Variants in UNC93A observed in about 807,000 individuals in gnomAD.
The protein encoded by UNC93A is unc-93 homolog A.
UNC93A carries 43 observed loss-of-function variants against 47.5 expected under a neutral mutation model. That is an observed-to-expected ratio of 0.91 (90% CI 0.71 to 1.17). The LOEUF (loss-of-function observed/expected upper bound fraction) is 1.17. UNC93A is among the 50% of genes most tolerant of loss of function. The probability of loss-of-function intolerance (pLI) is 0.00; values close to 1 mark genes in which losing one functional copy is unlikely to be tolerated. For synonymous variants in UNC93A, 280 were observed against 258.0 expected (o/e 1.09, Z -0.82); for missense variants, 605 against 577.6 (o/e 1.05, Z -0.49).
At chr6:167,283,905 G>T (rs1285819920) in intron 1 of UNC93A, among the ~76,000 whole-genome samples, 1 of 152,184 alleles carries the variant, frequency 6.6e-6, no homozygotes, top group African/African-American at 2.4e-5. Context: ...AGTCTTCGTG[G>T]TATGAGGGCA....
At chr6:167,304,574 T>G (rs1778330565) in intron 5 of UNC93A, among the ~76,000 whole-genome samples, 1 of 151,756 alleles carries the variant, frequency 6.6e-6, no homozygotes, top group East Asian at 1.9e-4. Flanking sequence ...TTTTCTTTCT[T>G]TTTTTCTTTT....
At position 167,299,250 on chromosome 6, in the gene UNC93A, AT is replaced by A. The variant is rs201599456; in HGVS notation, c.625+1181del. 7.0e-4 allele frequency among the ~76,000 whole-genome samples: 106 copies of A among 152,004 alleles called. No individual in the cohort carries two copies. The East Asian group carries it at 0.019, about 28-fold the overall frequency. ...TTGTCATTCTTGGATTTGGGGATTCATAAAGGCCTTGGAATGGGTCCTTCTT... is the reference window on the plus strand; with the variant it reads ...TTGTCATTCTTGGATTTGGGGATTCAAAAGGCCTTGGAATGGGTCCTTCTT... On this transcript the variant is annotated intron_variant, in intron 4 of 7. Transcript: ENST00000230256.
rs539599600 is a variant in UNC93A, at chr6:167,295,470, C to CG, written c.270-561dup. On this transcript the variant is annotated intron_variant, in intron 2 of 7. Transcript: ENST00000230256. ...TGCTCCTCGCCTCCCTCGTGCTCCTCGCCTCCCTCGTGAACCTCGCCTCCC... is the reference window on the plus strand; with the variant it reads ...TGCTCCTCGCCTCCCTCGTGCTCCTCGGCCTCCCTCGTGAACCTCGCCTCCC... 5.7e-3 allele frequency among the ~76,000 whole-genome samples: 588 copies of CG among 102,852 alleles called. 27 individuals are homozygous for CG. Among genetic ancestry groups the CG allele is most frequent in the East Asian group, 0.053 (133 of 2,512 alleles). The allele number at this position is 102,852 out of a possible 152,430, so 67.5% of individuals were successfully genotyped here. A position where few individuals can be genotyped will look rare whatever the true frequency, so the allele number is the denominator to read the frequency against.
intron 7 of UNC93A, 89 bp downstream of exon 7, chr6:167,307,999 G>A (rs1470062505): frequency 1.3e-6 from 2 of 1,546,022 alleles, no homozygotes; most frequent in African/African-American, 2.7e-5. Flanking sequence ...ATGCCAATGG[G>A]CCAGAGCCAA....
intron 1 of UNC93A, among the ~76,000 whole-genome samples, chr6:167,277,567 C>T (rs1395886241): frequency 2.0e-5 from 3 of 152,094 alleles, no homozygotes; most frequent in Non-Finnish European, 2.9e-5. Flanking sequence ...AGAGAGTGGA[C>T]GGGCAGCTGC....
chr6:167,291,413 C>A lies in UNC93A; in HGVS notation c.-77C>A. ...GGACTTCTTGGTACTGATTGTTTTT[C>A]CCATGCCTCAATTGGTTTCTTTTAG... On this transcript the variant is annotated 5_prime_UTR_variant, in exon 1 of 8. Transcript: ENST00000230256. 7.6e-7 allele frequency: 1 copy of A among 1,310,528 alleles called. No individual in the cohort carries two copies. Among genetic ancestry groups the A allele is most frequent in the Non-Finnish European group, 1.1e-6 (1 of 923,846 alleles). 81.2% of individuals were successfully genotyped at this position (1,310,528 alleles called of 1,614,324 possible). A position where few individuals can be genotyped will look rare whatever the true frequency, so the allele number is the denominator to read the frequency against.
intron 1 of UNC93A, 72 bp from the exon 2 acceptor site, chr6:167,294,445 C>T: frequency 1.3e-6 from 2 of 1,556,934 alleles, no homozygotes; most frequent in Non-Finnish European, 1.7e-6. Context: ...CTGGGGGACA[C>T]TGAGGACCTG....
chr6:167,307,739 T>C lies in UNC93A; in HGVS notation c.977-40T>C, dbSNP rs78945119. On this transcript the variant is annotated intron_variant, in intron 6 of 7. Transcript: ENST00000230256. ...TCCAGGCCCCTCCAGGCCATGATGA[T>C]GGCCCTCATCGCCTGGCGGTTTCCC... 8.7e-3 allele frequency: 13,753 copies of C among 1,575,408 alleles called. 751 individuals are homozygous for C. In the Admixed American group the frequency reaches 0.13, roughly 15 times the overall value.
intron 4 of UNC93A, among the ~76,000 whole-genome samples, chr6:167,298,663 T>C (rs1042498606): frequency 1.3e-5 from 2 of 152,120 alleles, no homozygotes; most frequent in African/African-American, 4.8e-5. Flanking sequence ...AGGAAGTTAA[T>C]TGTCATGACG....
chr6:167,315,541 A>G lies in UNC93A; in HGVS notation c.*89A>G, dbSNP rs1428608661. On this transcript the variant is annotated 3_prime_UTR_variant, in exon 8 of 8. Coordinates refer to ENST00000230256, the MANE Select transcript of UNC93A (RefSeq NM_018974.4). ...GCCTCAGGACATAGAGCGGCTCCTC[A>G]TCACCATCTCAGCACAATTTGGCCA... 2.5e-5 allele frequency: 40 copies of G among 1,594,360 alleles called. No individual in the cohort carries two copies. The highest frequency in any genetic ancestry group is 3.3e-5 in the Non-Finnish European group (39 of 1,169,340).
At chr6:167,300,286 G>T (rs924700770) in intron 4 of UNC93A, among the ~76,000 whole-genome samples, 5 of 152,148 alleles carry the variant, frequency 3.3e-5, no homozygotes, top group Non-Finnish European at 5.9e-5. Flanking sequence ...AGAGGGAATT[G>T]TTACAGAGAA....
chr6:167,287,170 A>G (rs976383988), upstream of UNC93A, among the ~76,000 whole-genome samples: 1 of 151,808 alleles, frequency 6.6e-6, no homozygotes, highest in Non-Finnish European at 1.5e-5. Flanking sequence ...CAGCTGTCCA[A>G]TCACAGCCCG....
intron 5 of UNC93A, among the ~76,000 whole-genome samples, 200 bp from the exon 6 acceptor site, chr6:167,305,715 T>C (rs1308277628): frequency 1.3e-5 from 2 of 152,174 alleles, no homozygotes; most frequent in Non-Finnish European, 2.9e-5. Context: ...CTGCCTCCTT[T>C]TAGTTCTCCC....
rs574632708 is a variant in UNC93A, at chr6:167,303,910, T to A, written c.626-9T>A. 6.2e-7 allele frequency: 1 copy of A among 1,613,938 alleles called. No individual in the cohort carries two copies. Among genetic ancestry groups the A allele is most frequent in the South Asian group, 1.1e-5 (1 of 91,052 alleles). Reference sequence around the variant, plus strand: ...CATGAAAGCTGAAGCCTTTGCTATGTCCTTTCAGGGAGTGGTGTCCTGGCT... The same window carrying A: ...CATGAAAGCTGAAGCCTTTGCTATGACCTTTCAGGGAGTGGTGTCCTGGCT... On this transcript the variant is annotated splice_polypyrimidine_tract_variant and intron_variant, in intron 4 of 7. Coordinates refer to ENST00000230256, the MANE Select transcript of UNC93A (RefSeq NM_018974.4).
chr6:167,276,994 C>G (rs6925771), intron 1 of UNC93A, among the ~76,000 whole-genome samples: 3 of 152,224 alleles, frequency 2.0e-5, no homozygotes, highest in African/African-American at 7.2e-5. Context: ...ACACAGACAA[C>G]GCCCACCCTC....
intron 2 of UNC93A, among the ~76,000 whole-genome samples, chr6:167,295,534 G>T (rs911545274): frequency 2.1e-5 from 2 of 93,338 alleles, no homozygotes; most frequent in Admixed American, 1.9e-4. Flanking sequence ...CGCCTGCCTC[G>T]TGCTCCTCGC....
intron 3 of UNC93A, among the ~76,000 whole-genome samples, chr6:167,297,724 A>G (rs939444109): frequency 3.3e-5 from 5 of 152,210 alleles, no homozygotes; most frequent in African/African-American, 1.2e-4. Context: ...GAACACGAAT[A>G]GGATTTTCCA....
At chr6:167,310,490 G>A (rs1185838540) in intron 7 of UNC93A, among the ~76,000 whole-genome samples, 1 of 152,260 alleles carries the variant, frequency 6.6e-6, no homozygotes, top group Non-Finnish European at 1.5e-5. Flanking sequence ...CAAGTCCGGT[G>A]AATGACTGGA....
At chr6:167,293,969 C>T (rs748918749) in intron 1 of UNC93A, among the ~76,000 whole-genome samples, 21 of 152,174 alleles carry the variant, frequency 1.4e-4, no homozygotes, top group Non-Finnish European at 2.5e-4. Flanking sequence ...CTGCAGTTTC[C>T]AGGATACGAG....
Sources: gnomAD v4.1 joint callset for allele counts (sites outside exome capture counted in the v4.1 genomes callset) on GRCh38, gnomAD v4.1.1 for gene constraint, MANE v1.5 for transcripts, NCBI Gene and HGNC (gene_info 2026-07-23, HGNC 2026-07-21) for gene names.